Variants in CCZ1 observed in about 807,000 individuals in gnomAD.
CCZ1 encodes the protein vacuolar fusion protein CCZ1 homolog.
A neutral mutation model predicts 57.8 loss-of-function variants in CCZ1; 19 were observed. That is an observed-to-expected ratio of 0.33 (90% CI 0.23 to 0.48). The LOEUF (loss-of-function observed/expected upper bound fraction) is 0.48, where lower values mean the gene tolerates loss of function less well. Ranked by LOEUF, CCZ1 falls within the 20% of genes least tolerant of loss-of-function variation. The probability of loss-of-function intolerance (pLI) is 0.99; values close to 1 mark genes in which losing one functional copy is unlikely to be tolerated. For synonymous variants in CCZ1, 81 were observed against 167.0 expected, an observed-to-expected ratio of 0.49 and a Z score of 3.97; for missense variants, 200 against 492.0, an observed-to-expected ratio of 0.41 and a Z score of 5.61.
At chr7:5,900,772 C>T (rs541673918) in intron 3 of CCZ1, 83 bp from the exon 4 acceptor site, 5 of 1,578,492 alleles carry the variant, frequency 3.2e-6, no homozygotes, top group South Asian at 1.2e-5. Context: ...GATGCTGTAG[C>T]ATGTTCAAAG....
chr7:5,901,998 A>G (rs1252020698), intron 5 of CCZ1: 1 of 362,052 alleles, frequency 2.8e-6, no homozygotes, highest in Admixed American at 4.1e-5. Flanking sequence ...TTTATGATTT[A>G]AAAGTTTCAG....
At chr7:5,910,620 C>A (rs1216830399) in intron 8 of CCZ1, among the ~76,000 whole-genome samples, 1 of 144,574 alleles carries the variant, frequency 6.9e-6, no homozygotes, top group African/African-American at 2.5e-5. Flanking sequence ...GCCACCGCCC[C>A]CAGTCCACAA....
At chr7:5,901,745 T>C (rs1455745714) in intron 5 of CCZ1, 41 bp downstream of exon 5, 2 of 1,594,722 alleles carry the variant, frequency 1.3e-6, no homozygotes, top group Non-Finnish European at 1.7e-6. Flanking sequence ...TCCAGCCACT[T>C]ACCCCTATCT....
At chr7:5,904,209 C>T (rs1382550830) in intron 6 of CCZ1, among the ~76,000 whole-genome samples, 9 of 132,388 alleles carry the variant, frequency 6.8e-5, no homozygotes, top group African/African-American at 2.4e-4. Context: ...TCTCCTGTCT[C>T]AGCCTCCTGA....
At chr7:5,914,868 T>A in intron 10 of CCZ1, among the ~76,000 whole-genome samples, 1 of 77,946 alleles carries the variant, frequency 1.3e-5, no homozygotes, top group Non-Finnish European at 2.6e-5. Context: ...AGAGCAAGAC[T>A]CTGTCTCAGA....
intron 10 of CCZ1, among the ~76,000 whole-genome samples, chr7:5,915,226 G>C (rs1190680675): frequency 2.0e-5 from 3 of 149,764 alleles, no homozygotes; most frequent in South Asian, 2.1e-4. Flanking sequence ...TGGCAGGGAA[G>C]GGGAGATTGC....
At chr7:5,905,902 C>CT (rs148585423) in intron 7 of CCZ1, among the ~76,000 whole-genome samples, 13,167 of 92,822 alleles carry the variant, frequency 0.14, 1,632 homozygotes, top group African/African-American at 0.18. Context: ...ATTTTTATAC[C>CT]TTTTTTTTTT....
chr7:5,919,488 T>TC, intron 11 of CCZ1: 1 of 242,564 alleles, frequency 4.1e-6, no homozygotes, highest in Non-Finnish European at 8.1e-6. Flanking sequence ...GGTACCTCTC[T>TC]CGGGGGGGTT....
chr7:5,910,095 T>TC lies in CCZ1; in HGVS notation c.761dup (p.Arg255LysfsTer6). ...ACAAATACCTTACCACCTCCCTTTT[T>TC]CCAAGGCACATCGAACCTGAGGTAT... On this transcript the variant is annotated frameshift_variant, in exon 8 of 15. Coordinates refer to ENST00000325974, the MANE Select transcript of CCZ1 (RefSeq NM_015622.6). LOFTEE classifies it high-confidence loss of function. The TC allele has an allele frequency of 6.9e-7, 1 of 1,458,804 alleles. No homozygotes were observed. The highest frequency in any genetic ancestry group is 1.9e-5 in the Admixed American group (1 of 53,814). The allele number at this position is 1,458,804 out of a possible 1,614,324, so 90.4% of individuals were successfully genotyped here. A position where few individuals can be genotyped will look rare whatever the true frequency, so the allele number is the denominator to read the frequency against.
At chr7:5,922,621 A>C (rs1216337033) in intron 12 of CCZ1, among the ~76,000 whole-genome samples, 1 of 150,322 alleles carries the variant, frequency 6.7e-6, no homozygotes, top group Non-Finnish European at 1.5e-5. Flanking sequence ...CCTGGGAGGC[A>C]GCGTCGTAGC....
chr7:5,924,410 C>CTT (rs762123859), intron 14 of CCZ1, among the ~76,000 whole-genome samples: 2 of 77,722 alleles, frequency 2.6e-5, no homozygotes, highest in Non-Finnish European at 5.8e-5. Flanking sequence ...CAGCTAATTT[C>CTT]TTTTTTTTTT....
intron 14 of CCZ1, 136 bp from the exon 15 acceptor site, chr7:5,925,496 C>T (rs1306797281): frequency 9.9e-6 from 8 of 809,028 alleles, no homozygotes; most frequent in African/African-American, 5.5e-5. Context: ...AAATTCTTGC[C>T]TAGTCTTCTG....
rs914789703 is a variant in CCZ1 at position 5,912,025 on chromosome 7, C to T, written c.842+103C>T. On this transcript the variant is annotated intron_variant, in intron 9 of 14. Coordinates refer to ENST00000325974, the MANE Select transcript of CCZ1 (RefSeq NM_015622.6). ...CTGGAGAGCAGTGGCAAGATCTCCG[C>T]TCACTGCAACCTCCGCCTCCCCGGG... 7.6e-4 allele frequency: 1,202 copies of T among 1,579,366 alleles called. 19 individuals are homozygous for T. Among genetic ancestry groups the T allele is most frequent in the Admixed American group, 2.5e-4 (13 of 52,490 alleles).
rs2528327 is a variant in CCZ1, at chr7:5,908,438, A to G, written c.699-1597A>G. On this transcript the variant is annotated intron_variant, in intron 7 of 14. Transcript: ENST00000325974. The stretch of plus-strand genomic sequence containing the variant: ...TGGTTGCCCAGGCTAGAGTGCAGTG[A>G]TGTGATCTCAGCTCACTTCAACCTG... 5.9e-3 allele frequency among the ~76,000 whole-genome samples: 866 copies of G among 146,802 alleles called. 44 individuals are homozygous for G. Among genetic ancestry groups the G allele is most frequent in the African/African-American group, 0.021 (831 of 39,162 alleles).
chr7:5,922,199 CT>C (rs1369018390), intron 12 of CCZ1, among the ~76,000 whole-genome samples: 1 of 121,322 alleles, frequency 8.2e-6, no homozygotes, highest in Non-Finnish European at 1.8e-5. Flanking sequence ...ATTTAAGTTC[CT>C]TGTCTACCCA....
At chr7:5,907,161 C>T (rs1253116590) in intron 7 of CCZ1, among the ~76,000 whole-genome samples, 2 of 149,734 alleles carry the variant, frequency 1.3e-5, no homozygotes, top group Admixed American at 6.6e-5. Flanking sequence ...GCCCCGCCTC[C>T]ACCTACTTTC....
At chr7:5,899,469 C>T (rs1394263029) in intron 1 of CCZ1, among the ~76,000 whole-genome samples, 1 of 139,592 alleles carries the variant, frequency 7.2e-6, no homozygotes, top group Admixed American at 7.2e-5. Flanking sequence ...CTGTTAAAGA[C>T]TGTCCAGGCT....
intron 1 of CCZ1, among the ~76,000 whole-genome samples, chr7:5,900,000 T>C (rs1781645880): frequency 6.9e-6 from 1 of 145,694 alleles, no homozygotes; most frequent in African/African-American, 2.6e-5. Context: ...TGGTGGGCAG[T>C]ATTTGCACAA....
intron 7 of CCZ1, among the ~76,000 whole-genome samples, chr7:5,908,124 C>T (rs1781878617): frequency 7.0e-6 from 1 of 142,342 alleles, no homozygotes; most frequent in South Asian, 2.4e-4. Context: ...AGAAAAACAG[C>T]ACGTTTTGAC....
Sources: allele counts gnomAD v4.1 joint callset (sites outside exome capture counted in the v4.1 genomes callset), GRCh38; gene constraint gnomAD v4.1.1; transcripts MANE v1.5; gene names NCBI Gene and HGNC (gene_info 2026-07-23, HGNC 2026-07-21).